The following PCDHAC1 variants were observed in gnomAD, a reference collection of about 807,000 sequenced individuals.
PCDHAC1 encodes protocadherin alpha-C1.
A neutral mutation model predicts 60.0 loss-of-function variants in PCDHAC1; 42 were observed. The observed-to-expected ratio is 0.70, with a 90% CI of 0.55 to 0.90. PCDHAC1 has a LOEUF of 0.90. PCDHAC1 is among the 40% of genes least tolerant of loss of function. The pLI is 0.00. For synonymous variants in PCDHAC1, 468 were observed against 499.3 expected, an observed-to-expected ratio of 0.94 and a Z score of 0.84; for missense variants, 1,160 against 1,222.3, an observed-to-expected ratio of 0.95 and a Z score of 0.76.
intron 3 of PCDHAC1, among the ~76,000 whole-genome samples, chr5:141,009,288 C>G (rs373954362): frequency 6.6e-6 from 1 of 152,068 alleles, no homozygotes; most frequent in African/African-American, 2.4e-5. Flanking sequence ...GATCCCATTT[C>G]TATAAAATTT....
intron 3 of PCDHAC1, among the ~76,000 whole-genome samples, chr5:140,989,660 G>T (rs1369597923): frequency 6.6e-6 from 1 of 152,180 alleles, no homozygotes; most frequent in Non-Finnish European, 1.5e-5. Context: ...TATTTTAAAA[G>T]AAACTCTGCC....
intron 1 of PCDHAC1, chr5:140,967,751 T>G: frequency 6.2e-7 from 1 of 1,614,138 alleles, no homozygotes; most frequent in African/African-American, 1.3e-5. Context: ...TGAGGAAGCC[T>G]CCTCCTACCA....
At position 140,928,932 on chromosome 5, in the gene PCDHAC1, G is replaced by T; in HGVS notation, c.2040G>T (p.Gln680His). 5 of 1,614,108 alleles carry T rather than the reference G, an allele frequency of 3.1e-6. No individual in the cohort carries two copies. The highest frequency in any genetic ancestry group is 2.5e-6 in the Non-Finnish European group (3 of 1,180,028). ...AACCAGGAGGGCAGCTTTCTGCCCA[G>T]AACTTGTATTTAGTAATTGCCTTGG... ...VWEPGGQLSA[Q>H]NLYLVIALAC... is the part of the protein sequence containing the mutation. The change falls in exon 1 of 4, where the codon CAG (glutamine) becomes CAT (histidine). Residue 680 changes from glutamine (Q) to histidine (H), a missense_variant. Gln to His is a conservative substitution (Grantham distance 24, BLOSUM62 0). Transcript: ENST00000253807.
chr5:140,966,061 C>T (rs2095963591), intron 1 of PCDHAC1, among the ~76,000 whole-genome samples: 1 of 152,222 alleles, frequency 6.6e-6, no homozygotes, highest in Non-Finnish European at 1.5e-5. Flanking sequence ...CCCAGAGCGC[C>T]TCCCCCTGCG....
chr5:140,987,336 A>G (rs2097249605), intron 3 of PCDHAC1, among the ~76,000 whole-genome samples: 1 of 152,200 alleles, frequency 6.6e-6, no homozygotes, highest in Admixed American at 6.5e-5. Context: ...GAACTGGTCT[A>G]AGGTAAATAT....
intron 3 of PCDHAC1, among the ~76,000 whole-genome samples, chr5:140,994,117 G>A (rs889813029): frequency 2.6e-5 from 4 of 152,198 alleles, no homozygotes; most frequent in Admixed American, 6.5e-5. Flanking sequence ...ATTGTCATGT[G>A]ATAAGGGCGA....
At chr5:141,009,095 A>G (rs1304233331) in intron 3 of PCDHAC1, among the ~76,000 whole-genome samples, 3 of 152,214 alleles carry the variant, frequency 2.0e-5, no homozygotes, top group Admixed American at 6.5e-5. Context: ...AGAACCAAAC[A>G]TATGTTACTA....
In PCDHAC1 at chr5:141,011,530, T is replaced by C. The variant is rs1427621980; in HGVS notation, c.*1593T>C. 7 of 153,810 alleles carry C rather than the reference T, an allele frequency of 4.6e-5. No individual in the cohort carries two copies. The highest frequency in any genetic ancestry group is 1.7e-4 in the African/African-American group (7 of 41,470). The allele number at this position is 153,810 out of a possible 1,614,324, so 9.5% of individuals were successfully genotyped here. Reference sequence around the variant, plus strand: ...TGGAGTAGTGTTTTTTTAACCATTGTTAATCAGCTTTTGTGTATGAAAGAC... The same window carrying C: ...TGGAGTAGTGTTTTTTTAACCATTGCTAATCAGCTTTTGTGTATGAAAGAC... On this transcript the variant is annotated 3_prime_UTR_variant, in exon 4 of 4. Transcript: ENST00000253807.
At chr5:140,941,259 T>TTCTTTCTTTCTTTCTTTC (rs2092988682) in intron 1 of PCDHAC1, among the ~76,000 whole-genome samples, 1 of 121,734 alleles carries the variant, frequency 8.2e-6, no homozygotes, top group Non-Finnish European at 1.8e-5. Flanking sequence ...TTCTTTCTCT[T>TTCTTTCTTTCTTTCTTTC]TCTTTCTTTC....
chr5:140,988,411 A>T (rs2097296392), intron 3 of PCDHAC1, among the ~76,000 whole-genome samples: 1 of 152,144 alleles, frequency 6.6e-6, no homozygotes, highest in Non-Finnish European at 1.5e-5. Flanking sequence ...TTCGCAGCTT[A>T]TGTAAAGAAT....
In PCDHAC1 at chr5:140,982,523, G is replaced by A; in HGVS notation, c.2541G>A (p.Gly847=). Residue 847 remains glycine (G), a synonymous_variant, in exon 3 of 4, where the codon GGG becomes GGA. Coordinates refer to ENST00000253807, the MANE Select transcript of PCDHAC1 (RefSeq NM_018898.5). ...EAGILRAGPG[G]PDQQWPTVSS... ...GCATTCTACGGGCTGGTCCAGGAGGGCCTGATCAGCAGTGGCCAACAGTAT... is the reference window on the plus strand; with the variant it reads ...GCATTCTACGGGCTGGTCCAGGAGGACCTGATCAGCAGTGGCCAACAGTAT... 6.2e-7 allele frequency: 1 copy of A among 1,614,220 alleles called. No individual in the cohort carries two copies. The highest frequency in any genetic ancestry group is 8.5e-7 in the Non-Finnish European group (1 of 1,180,034).
intron 1 of PCDHAC1, among the ~76,000 whole-genome samples, chr5:140,941,274 C>T (rs1267060320): frequency 2.7e-3 from 120 of 44,772 alleles, no homozygotes; most frequent in African/African-American, 7.9e-3. Flanking sequence ...TCTTTCTTTC[C>T]TTCCTTCCTT....
intron 3 of PCDHAC1, among the ~76,000 whole-genome samples, chr5:141,008,882 A>G (rs2098393885): frequency 6.6e-6 from 1 of 152,170 alleles, no homozygotes; most frequent in Non-Finnish European, 1.5e-5. Flanking sequence ...ACCACCCTTC[A>G]ATGTTATTAC....
At chr5:141,002,550 G>A (rs1458455103) in intron 3 of PCDHAC1, among the ~76,000 whole-genome samples, 1 of 152,186 alleles carries the variant, frequency 6.6e-6, no homozygotes, top group African/African-American at 2.4e-5. Context: ...TGAGTCCCAG[G>A]ATCCACCAGT....
chr5:140,947,270 T>C (rs1230948656), intron 1 of PCDHAC1, among the ~76,000 whole-genome samples: 1 of 151,546 alleles, frequency 6.6e-6, no homozygotes, highest in Non-Finnish European at 1.5e-5. Context: ...TTGTTGAAAA[T>C]ACTTTTTCTT....
At chr5:141,008,159 G>A (rs1352277469) in intron 3 of PCDHAC1, among the ~76,000 whole-genome samples, 1 of 152,138 alleles carries the variant, frequency 6.6e-6, no homozygotes, top group East Asian at 1.9e-4. Flanking sequence ...TTGATAAGAT[G>A]AGGACTAAAA....
At chr5:141,000,079 G>A (rs1233130123) in intron 3 of PCDHAC1, among the ~76,000 whole-genome samples, 2 of 152,102 alleles carry the variant, frequency 1.3e-5, no homozygotes, top group Non-Finnish European at 2.9e-5. Flanking sequence ...CACAATGCTA[G>A]GCCTGTGAAT....
At chr5:140,977,591 A>T (rs1267599253) in intron 1 of PCDHAC1, among the ~76,000 whole-genome samples, 2 of 152,164 alleles carry the variant, frequency 1.3e-5, no homozygotes, top group African/African-American at 4.8e-5. Context: ...AGCAGTTAGC[A>T]TGTGAGGACC....
chr5:140,952,081 A>G (rs1554220214), intron 1 of PCDHAC1, among the ~76,000 whole-genome samples: 3 of 152,064 alleles, frequency 2.0e-5, no homozygotes. Flanking sequence ...CATTGACTCC[A>G]TGTCTCACAT....
Sources: gnomAD v4.1 joint callset for allele counts (sites outside exome capture counted in the v4.1 genomes callset) on GRCh38, gnomAD v4.1.1 for gene constraint, MANE v1.5 for transcripts, NCBI Gene and HGNC (gene_info 2026-07-23, HGNC 2026-07-21) for gene names.